The following TEX36 variants were observed in gnomAD, a reference collection of about 807,000 sequenced individuals.
The protein encoded by TEX36 is testis-expressed protein 36.
In TEX36, 12 loss-of-function variants were observed where a neutral mutation model predicts 13.6. That is an observed-to-expected ratio of 0.88 (90% CI 0.56 to 1.43). The LOEUF (loss-of-function observed/expected upper bound fraction) is 1.43. TEX36 is among the 40% of genes most tolerant of loss of function. The pLI is 0.00. For synonymous variants in TEX36, 93 were observed against 83.0 expected, an observed-to-expected ratio of 1.12 and a Z score of -0.65; for missense variants, 224 against 228.3, an observed-to-expected ratio of 0.98 and a Z score of 0.12.
At chr10:125,614,488 C>G (rs1162065543) in intron 3 of TEX36, among the ~76,000 whole-genome samples, 2 of 151,488 alleles carry the variant, frequency 1.3e-5, no homozygotes, top group African/African-American at 2.4e-5. Context: ...CCAGTTTCAG[C>G]TTTCTACATA....
intron 3 of TEX36, among the ~76,000 whole-genome samples, chr10:125,649,450 C>T (rs578227711): frequency 2.0e-5 from 3 of 152,294 alleles, no homozygotes; most frequent in South Asian, 2.1e-4. Context: ...CAAACAAATG[C>T]GGAGAGATTT....
At chr10:125,662,077 G>A in intron 1 of TEX36, 100 bp from the exon 2 acceptor site, 1 of 1,456,852 alleles carries the variant, frequency 6.9e-7, no homozygotes, top group Non-Finnish European at 9.2e-7. Flanking sequence ...TGCAATTTGG[G>A]TGCTTTTGGC....
At chr10:125,652,299 A>G (rs1232464115), downstream of TEX36, among the ~76,000 whole-genome samples, 1 of 152,204 alleles carries the variant, frequency 6.6e-6, no homozygotes, top group African/African-American at 2.4e-5. Flanking sequence ...ATATAGACCA[A>G]TGGAACAGAA....
chr10:125,617,222 G>A (rs1846371862), downstream of TEX36, among the ~76,000 whole-genome samples: 3 of 151,674 alleles, frequency 2.0e-5, no homozygotes, highest in South Asian at 6.3e-4. Context: ...CACACTGATG[G>A]GTCTTGACTC....
chr10:125,625,081 C>T (rs777433744), intron 3 of TEX36, among the ~76,000 whole-genome samples: 4 of 152,190 alleles, frequency 2.6e-5, no homozygotes, highest in African/African-American at 7.2e-5. Context: ...CCAGAAAGTC[C>T]GTGCTGACTC....
At chr10:125,639,741 C>CA (rs1172073769) in intron 3 of TEX36, among the ~76,000 whole-genome samples, 101 of 152,294 alleles carry the variant, frequency 6.6e-4, no homozygotes, top group African/African-American at 2.3e-3. Flanking sequence ...CCAACAGAGT[C>CA]AAATCCTTTC....
downstream of TEX36, among the ~76,000 whole-genome samples, chr10:125,619,090 A>G (rs1846396464): frequency 6.6e-6 from 1 of 151,754 alleles, no homozygotes; most frequent in East Asian, 1.9e-4. Context: ...AGATCGCGTC[A>G]CTGCACTCCA....
exon 4 of TEX36, chr10:125,576,872 T>C: frequency 6.5e-7 from 1 of 1,536,160 alleles, no homozygotes; most frequent in Non-Finnish European, 8.7e-7. Context: ...CTGTCATTCT[T>C]TCCTGTGAGG....
chr10:125,628,603 A>T (rs558297968), intron 3 of TEX36, among the ~76,000 whole-genome samples: 21 of 152,358 alleles, frequency 1.4e-4, no homozygotes, highest in African/African-American at 4.6e-4. Context: ...GAAGTGTGGA[A>T]TGGAGCATCG....
intron 3 of TEX36, among the ~76,000 whole-genome samples, chr10:125,588,237 A>G (rs770666112): frequency 6.6e-6 from 1 of 152,220 alleles, no homozygotes; most frequent in African/African-American, 2.4e-5. Context: ...GATTGTATCC[A>G]AGAGAGTCCC....
intron 3 of TEX36, among the ~76,000 whole-genome samples, chr10:125,633,006 C>G (rs1455807804): frequency 6.6e-6 from 1 of 152,092 alleles, no homozygotes; most frequent in Non-Finnish European, 1.5e-5. Context: ...CGCCTGTAAT[C>G]CCAGCTACTC....
chr10:125,682,498 T>C lies in TEX36; in HGVS notation c.51+441A>G, dbSNP rs567374637. On this transcript the variant is annotated intron_variant, in intron 1 of 3. Coordinates refer to ENST00000368821, the MANE Select transcript of TEX36 (RefSeq NM_001128202.3). ...TATAATATAATTACTTCAACACATA[T>C]GTATTGAGTGCCTTCTATGCTCCAG... is the stretch of plus-strand genomic sequence containing the variant. Among the ~76,000 whole-genome samples, 18 of 152,334 alleles carry C rather than the reference T, an allele frequency of 1.2e-4. No individual in the cohort carries two copies. The South Asian group carries it at 2.5e-3, about 21-fold the overall frequency.
At chr10:125,649,454 G>A (rs1050891516) in intron 3 of TEX36, among the ~76,000 whole-genome samples, 10 of 152,200 alleles carry the variant, frequency 6.6e-5, no homozygotes, top group Non-Finnish European at 1.5e-4. Flanking sequence ...CAAATGCGGA[G>A]AGATTTTCTC....
chr10:125,580,903 C>G (rs1845874200), intron 3 of TEX36, among the ~76,000 whole-genome samples: 1 of 152,150 alleles, frequency 6.6e-6, no homozygotes, highest in South Asian at 2.1e-4. Context: ...GAAGAGTCCT[C>G]TATAATCTCT....
chr10:125,614,694 A>G (rs1331626041), intron 3 of TEX36, among the ~76,000 whole-genome samples: 13 of 152,160 alleles, frequency 8.5e-5, no homozygotes, highest in Middle Eastern at 3.2e-3. Flanking sequence ...GCCTTGTAGC[A>G]TAGTTTGAAG....
intron 3 of TEX36, among the ~76,000 whole-genome samples, chr10:125,607,303 G>A (rs571255229): frequency 1.3e-5 from 2 of 152,318 alleles, no homozygotes; most frequent in East Asian, 3.9e-4. Flanking sequence ...AGTGCCCCCA[G>A]GTTGAATCCT....
At chr10:125,636,372 A>ATTTTTTTT (rs1173411320) in intron 3 of TEX36, among the ~76,000 whole-genome samples, 2 of 142,696 alleles carry the variant, frequency 1.4e-5, no homozygotes, top group African/African-American at 5.2e-5. Context: ...CACCCGGCTA[A>ATTTTTTTT]TTTTTTTTTT....
At chr10:125,577,563 AT>A (rs1444787602) in intron 3 of TEX36, among the ~76,000 whole-genome samples, 6 of 152,268 alleles carry the variant, frequency 3.9e-5, no homozygotes, top group African/African-American at 1.4e-4. Flanking sequence ...ATAAAAAATA[AT>A]TTAAAATGTG....
chr10:125,638,622 A>G (rs1846647569), intron 3 of TEX36, among the ~76,000 whole-genome samples: 1 of 152,248 alleles, frequency 6.6e-6, no homozygotes, highest in African/African-American at 2.4e-5. Flanking sequence ...CGATTTCTCC[A>G]TCAAGCTATC....
Sources: gnomAD v4.1 joint callset for allele counts (sites outside exome capture counted in the v4.1 genomes callset) on GRCh38, gnomAD v4.1.1 for gene constraint, MANE v1.5 for transcripts, NCBI Gene and HGNC (gene_info 2026-07-23, HGNC 2026-07-21) for gene names.